The following GPATCH2L variants were observed in gnomAD, a reference collection of about 807,000 sequenced individuals.
GPATCH2L encodes G-patch domain containing 2 like.
In GPATCH2L, 31 loss-of-function variants were observed where a neutral mutation model predicts 57.4. The ratio of observed to expected loss-of-function variants is 0.54; its 90% CI spans 0.41 to 0.73. The LOEUF is 0.73. GPATCH2L is among the 30% of genes least tolerant of loss of function. The pLI is 0.00. For synonymous variants in GPATCH2L, 199 were observed against 210.7 expected, an observed-to-expected ratio of 0.94 and a Z score of 0.48; for missense variants, 481 against 599.9, an observed-to-expected ratio of 0.80 and a Z score of 2.07.
intron 1 of GPATCH2L, chr14:76,152,937 C>A (rs1034259102): frequency 2.2e-4 from 74 of 342,954 alleles, no homozygotes; most frequent in African/African-American, 1.6e-3. Flanking sequence ...CATTTTAATC[C>A]ACTTTTTTTT....
downstream of GPATCH2L, among the ~76,000 whole-genome samples, chr14:76,215,696 C>T (rs1365251674): frequency 4.8e-4 from 68 of 141,426 alleles, no homozygotes; most frequent in Admixed American, 7.8e-4. Context: ...TATTCTCACT[C>T]ATAGGTGGGA....
intron 8 of GPATCH2L, among the ~76,000 whole-genome samples, chr14:76,188,844 G>A (rs2039866230): frequency 6.6e-6 from 1 of 152,002 alleles, no homozygotes. Flanking sequence ...TGAGATTTCA[G>A]ATTTAAGTCT....
intron 8 of GPATCH2L, among the ~76,000 whole-genome samples, chr14:76,190,161 C>G (rs1029707839): frequency 2.0e-5 from 3 of 151,606 alleles, no homozygotes; most frequent in African/African-American, 7.3e-5. Context: ...ACATAGTGAT[C>G]TGCCCGGTTT....
chr14:76,223,998 C>A (rs914575772), intron 1 of GPATCH2L, among the ~76,000 whole-genome samples: 14 of 152,198 alleles, frequency 9.2e-5, no homozygotes, highest in African/African-American at 3.1e-4. Context: ...AAGTACCTAT[C>A]AACTGATGAA....
rs887647853 is a variant in GPATCH2L, at chr14:76,201,571, C to T, written c.1289-120C>T. 1.4e-5 allele frequency: 8 copies of T among 579,034 alleles called. No homozygotes were observed. The African/African-American group carries it at 1.5e-4, about 11-fold the overall frequency. 35.9% of individuals were successfully genotyped at this position (579,034 alleles called of 1,614,324 possible). The stretch of plus-strand genomic sequence containing the variant: ...ATACCTTACGTGGCCACTTGGGTTA[C>T]TAGGACATGAAGTATAAGGATTAAG... On this transcript the variant is annotated intron_variant, in intron 9 of 9. Transcript: ENST00000261530.
intron 1 of GPATCH2L, chr14:76,152,576 C>G: frequency 2.2e-6 from 1 of 447,162 alleles, no homozygotes; most frequent in Non-Finnish European, 4.5e-6. Flanking sequence ...CTCATCTCTG[C>G]CCGGGTGCGT....
chr14:76,153,296 C>G (rs2038141172), intron 1 of GPATCH2L, among the ~76,000 whole-genome samples: 1 of 152,182 alleles, frequency 6.6e-6, no homozygotes, highest in South Asian at 2.1e-4. Context: ...GAGAAAAGTG[C>G]TAAAAATTTA....
intron 8 of GPATCH2L, among the ~76,000 whole-genome samples, chr14:76,187,309 C>T (rs960969004): frequency 6.6e-6 from 1 of 152,074 alleles, no homozygotes; most frequent in Non-Finnish European, 1.5e-5. Context: ...GGCCTTCCTA[C>T]TGTGTTGTGA....
intron 9 of GPATCH2L, chr14:76,196,437 GTTT>G (rs78248589): frequency 4.6e-4 from 59 of 129,488 alleles, no homozygotes; most frequent in Middle Eastern, 3.8e-3. Context: ...AAACTTTTCA[GTTT>G]TTTTTTTTTT....
chr14:76,176,890 T>TA (rs2039351285), intron 6 of GPATCH2L, among the ~76,000 whole-genome samples, 200 bp downstream of exon 6: 1 of 152,216 alleles, frequency 6.6e-6, no homozygotes, highest in African/African-American at 2.4e-5. Context: ...AGTTTCACTG[T>TA]ATTGTTTTTT....
At position 76,154,561 on chromosome 14, in the gene GPATCH2L, G is replaced by A; in HGVS notation, c.198G>A (p.Glu66=). 1 of 1,614,224 alleles carries A rather than the reference G, an allele frequency of 6.2e-7. No homozygotes were observed. The highest frequency in any genetic ancestry group is 8.5e-7 in the Non-Finnish European group (1 of 1,180,016). ...EHTCCYSEAS[E]SSLDEATKDC... The stretch of plus-strand genomic sequence containing the variant: ...CCTGCTGCTACAGCGAGGCCTCTGA[G>A]TCAAGTCTGGATGAGGCCACTAAGG... The change falls in exon 2 of 10, where the codon GAG becomes GAA. Residue 66 remains glutamate (E), a synonymous_variant. Coordinates refer to ENST00000261530, the MANE Select transcript of GPATCH2L (RefSeq NM_017926.4). This position sits in a 1 kb window ranked among gnomAD's most constrained non-coding sequence, Gnocchi z 4.4.
At chr14:76,166,831 G>C (rs548540112) in intron 3 of GPATCH2L, 104 bp downstream of exon 3, 20 of 840,152 alleles carry the variant, frequency 2.4e-5, no homozygotes, top group Middle Eastern at 2.2e-4. Context: ...CTATGGCAGT[G>C]GTTCTCAAAC....
intron 3 of GPATCH2L, among the ~76,000 whole-genome samples, chr14:76,171,313 G>A (rs1033251364): frequency 6.6e-6 from 1 of 150,758 alleles, no homozygotes; most frequent in African/African-American, 2.4e-5. Context: ...GGTGGCTCAC[G>A]CCTGTAATCC....
chr14:76,183,399 G>A (rs1199564646), intron 8 of GPATCH2L, among the ~76,000 whole-genome samples: 1 of 152,226 alleles, frequency 6.6e-6, no homozygotes, highest in Non-Finnish European at 1.5e-5. Flanking sequence ...TAGATACCAA[G>A]TGGGTTGCAT....
downstream of GPATCH2L, among the ~76,000 whole-genome samples, chr14:76,215,773 G>C (rs868613940): frequency 7.4e-4 from 86 of 115,874 alleles, 1 homozygote; most frequent in Admixed American, 3.4e-3. Context: ...TGGTGGGGTG[G>C]GGGGAGGGGG....
rs1490256709 is a variant in GPATCH2L at position 76,211,013 on chromosome 14, A to G, written c.*9162A>G. The G allele has an allele frequency of 6.6e-6, 1 of 152,244 alleles. No homozygotes were observed. The highest frequency in any genetic ancestry group is 2.4e-5 in the African/African-American group (1 of 41,468). 9.4% of individuals were successfully genotyped at this position (152,244 alleles called of 1,614,324 possible). ...AAGAATGACAGGGTATTTTGGCAGC[A>G]AGGAGGAGGGCACTTTAACTCAAAC... On this transcript the variant is annotated 3_prime_UTR_variant, in exon 10 of 10. Transcript: ENST00000261530.
chr14:76,181,137 A>C (rs2039545001), intron 8 of GPATCH2L, among the ~76,000 whole-genome samples: 1 of 152,114 alleles, frequency 6.6e-6, no homozygotes, highest in African/African-American at 2.4e-5. Flanking sequence ...AACATTATTA[A>C]TGTTCCTTGC....
At chr14:76,175,225 CT>C (rs2039269614) in intron 5 of GPATCH2L, 1 of 152,110 alleles carries the variant, frequency 6.6e-6, no homozygotes, top group South Asian at 2.1e-4. Context: ...GAAGGTTTCC[CT>C]TTAGCTTGCC....
At chr14:76,160,197 AC>A (rs1227678036) in intron 2 of GPATCH2L, among the ~76,000 whole-genome samples, 4 of 152,160 alleles carry the variant, frequency 2.6e-5, no homozygotes, top group African/African-American at 9.7e-5. Context: ...GAAGGATAGA[AC>A]CACACCCTGC....
Sources: allele counts gnomAD v4.1 joint callset (sites outside exome capture counted in the v4.1 genomes callset), GRCh38; gene constraint gnomAD v4.1.1; non-coding constraint Gnocchi (gnomAD v3.1); transcripts MANE v1.5; gene names NCBI Gene and HGNC (gene_info 2026-07-23, HGNC 2026-07-21).